NBPF14: variants seen among roughly 807,000 people sequenced by gnomAD.
NBPF14 encodes the protein NBPF family member NBPF14.
A neutral mutation model predicts 91.2 loss-of-function variants in NBPF14; 104 were observed. The ratio of observed to expected loss-of-function variants is 1.14; its 90% CI spans 0.97 to 1.34. The LOEUF (loss-of-function observed/expected upper bound fraction) is 1.34. Ranked by LOEUF, NBPF14 falls within the 40% of genes most tolerant of loss-of-function variation. The probability of loss-of-function intolerance (pLI) is 0.00; values close to 1 mark genes in which losing one functional copy is unlikely to be tolerated. For missense variants in NBPF14, 908 were observed against 783.0 expected, an observed-to-expected ratio of 1.16 and a Z score of -1.91; for synonymous variants, 294 against 303.8, an observed-to-expected ratio of 0.97 and a Z score of 0.34.
exon 70 of NBPF14, chr1:148,533,914 T>A (rs1450240672): frequency 2.6e-4 from 193 of 753,032 alleles, no homozygotes; most frequent in Non-Finnish European, 3.6e-4. Context: ...CCCTTCTTCT[T>A]TCCTTCTTTG....
intron 59 of NBPF14, among the ~76,000 whole-genome samples, chr1:148,542,164 A>G (rs1655651947): frequency 9.5e-6 from 1 of 104,888 alleles, no homozygotes; most frequent in African/African-American, 7.0e-5. Flanking sequence ...AAAAACTGCA[A>G]TATTTAGCCC....
At chr1:148,534,984 C>G (rs1334116270) in intron 68 of NBPF14, 128 bp from the exon 69 acceptor site, 2 of 724,144 alleles carry the variant, frequency 2.8e-6, no homozygotes, top group Admixed American at 2.0e-5. Context: ...AATGAGGTAA[C>G]GAATTATTGC....
At chr1:148,557,648 G>C (rs1656897838) in intron 39 of NBPF14, 106 bp from the exon 40 acceptor site, 1 of 601,310 alleles carries the variant, frequency 1.7e-6, no homozygotes, top group African/African-American at 2.8e-5. Context: ...CTCAGCATGA[G>C]AACAGGACCA....
At chr1:148,534,009 T>C (rs1402456322) in intron 69 of NBPF14, 40 bp from the exon 70 acceptor site, 1 of 682,992 alleles carries the variant, frequency 1.5e-6, no homozygotes, top group South Asian at 1.6e-5. Context: ...ATTAAGCTGA[T>C]TCCCCTACAC....
At chr1:148,573,112 C>T in intron 20 of NBPF14, 118 bp downstream of exon 20, 1 of 55,728 alleles carries the variant, frequency 1.8e-5, no homozygotes, top group Non-Finnish European at 3.0e-5. Flanking sequence ...ACAGCAATGA[C>T]AGTAGGAGTA....
At chr1:148,534,528 G>A (rs587737080) in intron 69 of NBPF14, among the ~76,000 whole-genome samples, 156 bp downstream of exon 69, 18 of 151,380 alleles carry the variant, frequency 1.2e-4, no homozygotes, top group East Asian at 3.9e-4. Flanking sequence ...TAGGCTTCCA[G>A]CTGAGACTAC....
At chr1:148,566,346 C>T (rs1289675143) in intron 28 of NBPF14, 31 bp from the exon 29 acceptor site, 8 of 756,876 alleles carry the variant, frequency 1.1e-5, no homozygotes, top group South Asian at 2.8e-5. Flanking sequence ...AAAGAATAAG[C>T]CAGGGGAAAT....
chr1:148,559,987 A>G, intron 36 of NBPF14, 22 bp from the exon 37 acceptor site: 1 of 1,128,252 alleles, frequency 8.9e-7, no homozygotes, highest in Admixed American at 1.8e-5. Flanking sequence ...GAAAAAAGTA[A>G]AGAATAAGCC....
At chr1:148,577,892 A>C (rs1660233315) in intron 14 of NBPF14, 91 bp downstream of exon 14, 4 of 617,770 alleles carry the variant, frequency 6.5e-6, no homozygotes, top group African/African-American at 2.0e-5. Context: ...GACAAGACAA[A>C]ATCATTATTT....
chr1:148,559,698 C>A (rs1262681547), intron 37 of NBPF14, 95 bp downstream of exon 37: 5 of 706,092 alleles, frequency 7.1e-6, no homozygotes, highest in Non-Finnish European at 1.2e-5. Context: ...GTGGCAATGA[C>A]ATCTCTCAGC....
intron 2 of NBPF14, among the ~76,000 whole-genome samples, chr1:148,595,250 G>A (rs1168625929): frequency 1.4e-5 from 2 of 147,682 alleles, no homozygotes; most frequent in African/African-American, 5.0e-5. Flanking sequence ...GAGGATTCTT[G>A]AAAACACGAT....
intron 70 of NBPF14, 28 bp downstream of exon 70, chr1:148,533,833 C>A: frequency 5.2e-6 from 4 of 766,898 alleles, no homozygotes; most frequent in Non-Finnish European, 9.5e-6. Flanking sequence ...TAACACAGAA[C>A]TAAGGATCCA....
At chr1:148,565,780 C>G (rs1407402335) in intron 29 of NBPF14, among the ~76,000 whole-genome samples, 4 of 13,528 alleles carry the variant, frequency 3.0e-4, no homozygotes, top group Non-Finnish European at 5.9e-4. Flanking sequence ...ATCAAATACT[C>G]AGATTGTTCA....
chr1:148,559,427 A>G (rs1657221219), intron 37 of NBPF14, among the ~76,000 whole-genome samples: 1 of 133,894 alleles, frequency 7.5e-6, no homozygotes, highest in African/African-American at 3.6e-5. Flanking sequence ...AAATACTCAG[A>G]TTGTTCATGG....
At chr1:148,590,311 C>A (rs1279162376) in intron 6 of NBPF14, among the ~76,000 whole-genome samples, 1 of 143,934 alleles carries the variant, frequency 6.9e-6, no homozygotes, top group Non-Finnish European at 1.5e-5. Context: ...CCCGCCTCGG[C>A]CTCCCAAAGT....
chr1:148,586,592 G>C, intron 8 of NBPF14, 123 bp from the exon 9 acceptor site: 3 of 866,962 alleles, frequency 3.5e-6, no homozygotes, highest in Non-Finnish European at 5.9e-6. Flanking sequence ...GTCAGCACAT[G>C]TGGAAAGGAA....
chr1:148,561,827 AG>A, intron 34 of NBPF14, among the ~76,000 whole-genome samples: 1 of 137,960 alleles, frequency 7.2e-6, no homozygotes, highest in African/African-American at 3.4e-5. Flanking sequence ...ACAGAGAGAG[AG>A]AGAGAGAGAG....
chr1:148,557,047 GA>G (rs1656685247), intron 40 of NBPF14, among the ~76,000 whole-genome samples, 185 bp from the exon 41 acceptor site: 1 of 119,506 alleles, frequency 8.4e-6, no homozygotes, highest in South Asian at 3.0e-4. Flanking sequence ...GAATGAAAGA[GA>G]AAGACAGATA....
intron 37 of NBPF14, 100 bp downstream of exon 37, chr1:148,559,693 A>T: frequency 2.9e-6 from 2 of 695,864 alleles, no homozygotes; most frequent in East Asian, 2.9e-5. Context: ...TCCCTGTGGC[A>T]ATGACATCTC....
Sources: allele counts gnomAD v4.1 joint callset (sites outside exome capture counted in the v4.1 genomes callset), GRCh38; gene constraint gnomAD v4.1.1; transcripts MANE v1.5; gene names NCBI Gene and HGNC (gene_info 2026-07-23, HGNC 2026-07-21).